The following C1orf21 variants were observed in gnomAD, a reference collection of about 807,000 sequenced individuals.
C1orf21 encodes uncharacterized protein C1orf21.
In C1orf21, 3 loss-of-function variants were observed where a neutral mutation model predicts 18.7. That is an observed-to-expected ratio of 0.16 (90% CI 0.07 to 0.42). The LOEUF (loss-of-function observed/expected upper bound fraction) is 0.42. C1orf21 is among the 10% of genes least tolerant of loss of function. The pLI is 0.99. For synonymous variants in C1orf21, 41 were observed against 46.4 expected, an observed-to-expected ratio of 0.88 and a Z score of 0.47; for missense variants, 104 against 143.6, an observed-to-expected ratio of 0.72 and a Z score of 1.41.
chr1:184,426,558 C>T (rs1331860300), intron 1 of C1orf21, among the ~76,000 whole-genome samples: 1 of 152,134 alleles, frequency 6.6e-6, no homozygotes, highest in Non-Finnish European at 1.5e-5. Context: ...TGTGGGATTT[C>T]ACTTAGGCTC....
chr1:184,413,266 A>T (rs1463383938), intron 1 of C1orf21, among the ~76,000 whole-genome samples: 1 of 152,028 alleles, frequency 6.6e-6, no homozygotes, highest in Non-Finnish European at 1.5e-5. Context: ...GACAAAATAT[A>T]TGTGGGAGAA....
rs1194022965 is a variant in C1orf21 at position 184,484,578 on chromosome 1, G to A, written c.94+6975G>A. ...AGGGCTCCCAGATGGCCAAGGAGCT[G>A]GAGGCAGAGAGATTGTTCAGGAATC... On this transcript the variant is annotated intron_variant, in intron 2 of 5. Coordinates refer to ENST00000235307, the MANE Select transcript of C1orf21 (RefSeq NM_030806.4). 2.6e-5 allele frequency among the ~76,000 whole-genome samples: 4 copies of A among 152,208 alleles called. No individual in the cohort carries two copies. The East Asian group carries it at 7.7e-4, about 29-fold the overall frequency.
intron 3 of C1orf21, among the ~76,000 whole-genome samples, chr1:184,568,161 A>T (rs926408477): frequency 1.3e-5 from 2 of 152,220 alleles, no homozygotes; most frequent in Non-Finnish European, 1.5e-5. Flanking sequence ...CCTATCTGCT[A>T]GCATTTGAGA....
intron 1 of C1orf21, among the ~76,000 whole-genome samples, chr1:184,401,778 C>CAAA (rs541965919): frequency 7.9e-6 from 1 of 127,202 alleles, no homozygotes; most frequent in African/African-American, 2.7e-5. Context: ...ACATTTACAG[C>CAAA]AAAAAAAAAA....
At chr1:184,506,378 G>A (rs1056816249) in intron 2 of C1orf21, among the ~76,000 whole-genome samples, 1 of 152,166 alleles carries the variant, frequency 6.6e-6, no homozygotes, top group African/African-American at 2.4e-5. Flanking sequence ...GTGATATGAT[G>A]AGGAAACCTG....
intron 3 of C1orf21, among the ~76,000 whole-genome samples, chr1:184,559,470 C>G (rs1430022794): frequency 1.3e-5 from 2 of 148,660 alleles, no homozygotes; most frequent in African/African-American, 5.1e-5. Context: ...TCTTTCTCTC[C>G]TTTCCCTCCT....
At chr1:184,506,152 A>G (rs148526768) in intron 2 of C1orf21, among the ~76,000 whole-genome samples, 6 of 152,288 alleles carry the variant, frequency 3.9e-5, no homozygotes, top group African/African-American at 1.2e-4. Context: ...ACCTCACACT[A>G]GTCTTTCTAA....
At chr1:184,412,614 C>T (rs1656372905) in intron 1 of C1orf21, among the ~76,000 whole-genome samples, 1 of 151,888 alleles carries the variant, frequency 6.6e-6, no homozygotes, top group African/African-American at 2.4e-5. Context: ...TCTGTTATAG[C>T]CTGGGCAACA....
chr1:184,390,737 T>C (rs913906845), intron 1 of C1orf21, among the ~76,000 whole-genome samples: 1 of 152,206 alleles, frequency 6.6e-6, no homozygotes, highest in African/African-American at 2.4e-5. Context: ...GTAAAGATAC[T>C]TTTATGAATA....
intron 3 of C1orf21, among the ~76,000 whole-genome samples, chr1:184,533,017 T>C (rs1423729994): frequency 6.6e-6 from 1 of 152,178 alleles, no homozygotes; most frequent in Non-Finnish European, 1.5e-5. Flanking sequence ...ATCTTTTGTT[T>C]TTGTTTTTTA....
intron 3 of C1orf21, among the ~76,000 whole-genome samples, chr1:184,555,721 G>A (rs1658869156): frequency 6.6e-6 from 1 of 152,056 alleles, no homozygotes; most frequent in South Asian, 2.1e-4. Flanking sequence ...CTGGAGGTGG[G>A]GTGGGAGGCG....
At chr1:184,430,001 A>T (rs947463819) in intron 1 of C1orf21, among the ~76,000 whole-genome samples, 2 of 151,300 alleles carry the variant, frequency 1.3e-5, no homozygotes, top group Admixed American at 6.6e-5. Flanking sequence ...AGTCCCAGCT[A>T]CTCGGGAGGC....
chr1:184,607,415 A>G (rs999569660), intron 5 of C1orf21, among the ~76,000 whole-genome samples: 1 of 152,194 alleles, frequency 6.6e-6, no homozygotes, highest in South Asian at 2.1e-4. Context: ...AAGAAGTAAT[A>G]TTAGTGCAAA....
rs6688190 is a variant in C1orf21, at chr1:184,504,243, G to A, written c.95-3345G>A. Among the ~76,000 whole-genome samples the A allele has an allele frequency of 2.6e-3, 400 of 152,248 alleles. 1 individual carries two copies. The highest frequency in any genetic ancestry group is 9.2e-3 in the African/African-American group (381 of 41,572). The stretch of plus-strand genomic sequence containing the variant: ...ATAAGCCACCTGACAAGATCAACAG[G>A]AAGAAAAGAAAAATTGGGAACAGGT... On this transcript the variant is annotated intron_variant, in intron 2 of 5. Transcript: ENST00000235307.
At chr1:184,406,832 T>TC (rs1656255656) in intron 1 of C1orf21, among the ~76,000 whole-genome samples, 1 of 152,138 alleles carries the variant, frequency 6.6e-6, no homozygotes, top group Admixed American at 6.5e-5. Flanking sequence ...TCTTGCCCTG[T>TC]CACCCAGGCT....
chr1:184,518,150 G>A (rs1034745914), intron 3 of C1orf21, among the ~76,000 whole-genome samples: 8 of 152,140 alleles, frequency 5.3e-5, no homozygotes, highest in Non-Finnish European at 8.8e-5. Context: ...AGATTATTCT[G>A]GCATTGTGGT....
At chr1:184,570,185 G>A (rs958927006) in intron 3 of C1orf21, among the ~76,000 whole-genome samples, 9 of 151,422 alleles carry the variant, frequency 5.9e-5, no homozygotes, top group African/African-American at 2.2e-4. Context: ...TTTTATTTTC[G>A]CTGTGTTTTT....
At chr1:184,606,072 G>A (rs1484050556) in intron 5 of C1orf21, among the ~76,000 whole-genome samples, 1 of 152,218 alleles carries the variant, frequency 6.6e-6, no homozygotes, top group Admixed American at 6.5e-5. Flanking sequence ...CCTATGTGGT[G>A]TAATAAACAT....
intron 3 of C1orf21, among the ~76,000 whole-genome samples, chr1:184,587,898 A>G (rs554281082): frequency 2.0e-4 from 30 of 152,228 alleles, no homozygotes; most frequent in Admixed American, 6.5e-4. Flanking sequence ...TGCAAGCATG[A>G]GCCACTGTGC....
Sources: gnomAD v4.1 joint callset for allele counts (sites outside exome capture counted in the v4.1 genomes callset) on GRCh38, gnomAD v4.1.1 for gene constraint, MANE v1.5 for transcripts, NCBI Gene and HGNC (gene_info 2026-07-23, HGNC 2026-07-21) for gene names.